The following KAZN variants were observed in gnomAD, a reference collection of about 807,000 sequenced individuals.
KAZN encodes the protein kazrin, periplakin interacting protein.
In KAZN, 40 loss-of-function variants were observed where a neutral mutation model predicts 87.4. That is an observed-to-expected ratio of 0.46 (90% CI 0.36 to 0.60). The LOEUF (loss-of-function observed/expected upper bound fraction) is 0.60, where lower values mean the gene tolerates loss of function less well. Ranked by LOEUF, KAZN falls within the 20% of genes least tolerant of loss-of-function variation. The probability of loss-of-function intolerance (pLI) is 0.00; values close to 1 mark genes in which losing one functional copy is unlikely to be tolerated. For synonymous variants in KAZN, 466 were observed against 458.3 expected, an observed-to-expected ratio of 1.02 and a Z score of -0.22; for missense variants, 898 against 1,073.9, an observed-to-expected ratio of 0.84 and a Z score of 2.29.
chr1:13,953,395 A>G (rs1172649590), intron 1 of KAZN, among the ~76,000 whole-genome samples: 1 of 152,140 alleles, frequency 6.6e-6, no homozygotes, highest in African/African-American at 2.4e-5. Flanking sequence ...ATTATGAAGG[A>G]CCTCAGGATG....
chr1:14,246,646 C>T (rs1027463833), intron 2 of KAZN, among the ~76,000 whole-genome samples: 3 of 152,168 alleles, frequency 2.0e-5, no homozygotes, highest in Non-Finnish European at 4.4e-5. Flanking sequence ...TCTTTTCCCC[C>T]CAGCCAAACT....
intron 2 of KAZN, among the ~76,000 whole-genome samples, chr1:14,993,788 A>G (rs1052818509): frequency 6.6e-6 from 1 of 152,188 alleles, no homozygotes; most frequent in Admixed American, 6.5e-5. Flanking sequence ...ACAAGCCCAC[A>G]CGTAAGTAAT....
chr1:14,356,377 C>T (rs935316370), intron 2 of KAZN, among the ~76,000 whole-genome samples: 3 of 152,098 alleles, frequency 2.0e-5, no homozygotes, highest in African/African-American at 7.2e-5. Flanking sequence ...CTGTAGGCTG[C>T]CTGTTCACTC....
intron 1 of KAZN, among the ~76,000 whole-genome samples, chr1:14,906,019 T>G (rs1462698867): frequency 6.6e-6 from 1 of 151,204 alleles, no homozygotes; most frequent in Non-Finnish European, 1.5e-5. Flanking sequence ...ATACAAAAAT[T>G]AGCTGGGTAT....
chr1:14,581,369 C>A (rs1452470482), intron 2 of KAZN, among the ~76,000 whole-genome samples: 1 of 152,154 alleles, frequency 6.6e-6, no homozygotes, highest in Admixed American at 6.5e-5. Context: ...ACCTGTGGCT[C>A]CACCTTCAAT....
intron 1 of KAZN, among the ~76,000 whole-genome samples, chr1:14,678,172 C>T (rs1302791466): frequency 6.6e-6 from 1 of 152,100 alleles, no homozygotes; most frequent in East Asian, 1.9e-4. Flanking sequence ...GAGAGGAAGA[C>T]CTGCCCTCAG....
intron 1 of KAZN, among the ~76,000 whole-genome samples, chr1:14,179,032 C>T (rs980863729): frequency 3.9e-5 from 6 of 152,130 alleles, no homozygotes; most frequent in African/African-American, 7.2e-5. Flanking sequence ...TTTATGGACA[C>T]GTGATCTCTT....
At chr1:14,828,266 G>A (rs542882866) in intron 1 of KAZN, among the ~76,000 whole-genome samples, 50 of 152,180 alleles carry the variant, frequency 3.3e-4, no homozygotes, top group African/African-American at 5.3e-4. Flanking sequence ...AAAATATCTC[G>A]GCTAAAACAT....
intron 2 of KAZN, among the ~76,000 whole-genome samples, chr1:14,381,285 G>A (rs1661345214): frequency 6.6e-6 from 1 of 152,026 alleles, no homozygotes. Context: ...TAAAGAGAGA[G>A]ATGCAACCTA....
intron 1 of KAZN, among the ~76,000 whole-genome samples, chr1:14,167,740 C>CAAAAA (rs112522340): frequency 6.6e-6 from 1 of 151,714 alleles, no homozygotes; most frequent in Non-Finnish European, 1.5e-5. Context: ...AAAACAAAAA[C>CAAAAA]AAACAAGGAA....
At chr1:14,676,438 A>C (rs1004598337) in intron 1 of KAZN, among the ~76,000 whole-genome samples, 1 of 152,058 alleles carries the variant, frequency 6.6e-6, no homozygotes, top group African/African-American at 2.4e-5. Flanking sequence ...CCTGAGCCTC[A>C]GTTCCCGTCT....
At chr1:14,830,349 T>C (rs879902295) in intron 1 of KAZN, among the ~76,000 whole-genome samples, 6 of 152,144 alleles carry the variant, frequency 3.9e-5, no homozygotes, top group Admixed American at 3.9e-4. Context: ...TGGCCCAACT[T>C]GGGTGACGTG....
At position 13,958,345 on chromosome 1, in the gene KAZN, C is replaced by T. The variant is rs560361427; in HGVS notation, c.91+64589C>T. Among the ~76,000 whole-genome samples the T allele has an allele frequency of 3.3e-5, 5 of 151,976 alleles. No homozygotes were observed. In the East Asian group the frequency reaches 9.7e-4, roughly 30 times the overall value. On this transcript the variant is annotated intron_variant, in intron 1 of 16. Coordinates refer to the KAZN transcript ENST00000636203. The stretch of plus-strand genomic sequence containing the variant: ...CAGCACTTTGGGAGGCCGAGGCGGG[C>T]GGATCACGAGGTCAGAGGATAGAGA...
intron 1 of KAZN, among the ~76,000 whole-genome samples, chr1:14,604,435 G>A (rs1677205703): frequency 6.6e-6 from 1 of 152,136 alleles, no homozygotes; most frequent in East Asian, 1.9e-4. Flanking sequence ...TCTCAGTTGT[G>A]GAGAAGCTGG....
intron 2 of KAZN, among the ~76,000 whole-genome samples, chr1:14,282,178 G>T (rs1652889776): frequency 6.6e-6 from 1 of 151,940 alleles, no homozygotes; most frequent in Non-Finnish European, 1.5e-5. Context: ...CAGATGTTTT[G>T]TCCATACCCT....
At chr1:14,565,938 G>A (rs1339870665) in intron 2 of KAZN, among the ~76,000 whole-genome samples, 1 of 152,100 alleles carries the variant, frequency 6.6e-6, no homozygotes, top group Non-Finnish European at 1.5e-5. Flanking sequence ...AGTCATTCAT[G>A]ACTTTGAGGG....
At chr1:14,428,358 A>G (rs1221098555) in intron 2 of KAZN, among the ~76,000 whole-genome samples, 2 of 152,188 alleles carry the variant, frequency 1.3e-5, no homozygotes, top group African/African-American at 4.8e-5. Context: ...TTTTCTCAGC[A>G]GAAATCTCAA....
Position 14,574,138 on chromosome 1 carries a change from T to G in KAZN, c.250-24845T>G, listed in dbSNP as rs113373117. On this transcript the variant is annotated intron_variant, in intron 2 of 16. Transcript: ENST00000636203. Reference sequence around the variant, plus strand: ...ATTTTTCTTGCTTGGAAAAATAAAATAGAAGGCTGAACAGGAAGGAAGAAA... The same window carrying G: ...ATTTTTCTTGCTTGGAAAAATAAAAGAGAAGGCTGAACAGGAAGGAAGAAA... 1.5e-3 allele frequency among the ~76,000 whole-genome samples: 222 copies of G among 152,246 alleles called. 1 individual carries two copies. Among genetic ancestry groups the G allele is most frequent in the African/African-American group, 5.2e-3 (215 of 41,550 alleles).
rs116031401 is a variant in KAZN at position 14,093,555 on chromosome 1, A to G, written c.92-86880A>G. Among the ~76,000 whole-genome samples, 1,038 of 152,262 alleles carry G rather than the reference A, an allele frequency of 6.8e-3. 15 individuals are homozygous for G. The highest frequency in any genetic ancestry group is 0.023 in the African/African-American group (962 of 41,544). Reference sequence around the variant, plus strand: ...GGAGATTCCTCTTGCTTCACTTCCTAAGACTTTAGATTCACTGTCCAAGAA... The same window carrying G: ...GGAGATTCCTCTTGCTTCACTTCCTGAGACTTTAGATTCACTGTCCAAGAA... On this transcript the variant is annotated intron_variant, in intron 1 of 16. Coordinates refer to the KAZN transcript ENST00000636203.
Sources: gnomAD v4.1 joint callset for allele counts (sites outside exome capture counted in the v4.1 genomes callset) on GRCh38, gnomAD v4.1.1 for gene constraint, MANE v1.5 for transcripts, NCBI Gene and HGNC (gene_info 2026-07-23, HGNC 2026-07-21) for gene names.